The following SEMA3C variants were observed in gnomAD, a reference collection of about 807,000 sequenced individuals.
The protein encoded by SEMA3C is semaphorin-3C.
A neutral mutation model predicts 89.4 loss-of-function variants in SEMA3C; 47 were observed. The ratio of observed to expected loss-of-function variants is 0.53; its 90% CI spans 0.42 to 0.67. The LOEUF (loss-of-function observed/expected upper bound fraction) is 0.67. SEMA3C is among the 30% of genes least tolerant of loss of function. The pLI is 0.00. For missense variants in SEMA3C, 839 were observed against 929.1 expected (o/e 0.90, Z 1.26); for synonymous variants, 310 against 320.2 (o/e 0.97, Z 0.34).
chr7:80,773,355 A>C (rs1396413577), intron 12 of SEMA3C, among the ~76,000 whole-genome samples: 1 of 152,206 alleles, frequency 6.6e-6, no homozygotes, highest in Non-Finnish European at 1.5e-5. Context: ...TAAAGCCCAG[A>C]GTTGGCATAG....
At chr7:80,769,463 T>C (rs2117069267) in intron 12 of SEMA3C, among the ~76,000 whole-genome samples, 1 of 152,308 alleles carries the variant, frequency 6.6e-6, no homozygotes, top group Admixed American at 6.5e-5. Flanking sequence ...AGCAAAATTT[T>C]ACAGAAATCC....
intron 2 of SEMA3C, among the ~76,000 whole-genome samples, chr7:80,840,826 G>C (rs1368453315): frequency 6.6e-6 from 1 of 152,094 alleles, no homozygotes; most frequent in Non-Finnish European, 1.5e-5. Context: ...AGTAATAAAT[G>C]CACAAAGTAT....
intron 2 of SEMA3C, among the ~76,000 whole-genome samples, chr7:80,884,780 T>A (rs1791433901): frequency 6.6e-6 from 1 of 152,210 alleles, no homozygotes; most frequent in Admixed American, 6.5e-5. Flanking sequence ...TATTACTGCT[T>A]TGATGTACAC....
chr7:80,756,355 C>T (rs776812987), intron 15 of SEMA3C, among the ~76,000 whole-genome samples: 21 of 151,890 alleles, frequency 1.4e-4, no homozygotes, highest in Non-Finnish European at 2.5e-4. Context: ...CCTTTATTAT[C>T]CCTCTACAAG....
chr7:80,875,023 G>A (rs745403427), intron 2 of SEMA3C, among the ~76,000 whole-genome samples: 45 of 151,626 alleles, frequency 3.0e-4, no homozygotes, highest in Non-Finnish European at 6.0e-4. Context: ...GGCGGAGCTT[G>A]CAGTGAGCAG....
chr7:80,857,192 T>C (rs1453173546), intron 2 of SEMA3C, among the ~76,000 whole-genome samples: 2 of 152,164 alleles, frequency 1.3e-5, no homozygotes, highest in Admixed American at 6.5e-5. Context: ...GTATATGTGT[T>C]CCTTAACAGG....
chr7:80,856,368 G>A (rs549187953), intron 2 of SEMA3C, among the ~76,000 whole-genome samples: 13 of 151,736 alleles, frequency 8.6e-5, no homozygotes, highest in African/African-American at 3.1e-4. Context: ...GAACAAAAAA[G>A]CAACATGAAT....
At chr7:80,862,293 C>T (rs1038806530) in intron 2 of SEMA3C, among the ~76,000 whole-genome samples, 3 of 152,208 alleles carry the variant, frequency 2.0e-5, no homozygotes, top group Middle Eastern at 3.4e-3. Context: ...TGTGTACCAA[C>T]AGCGACCATG....
intron 2 of SEMA3C, among the ~76,000 whole-genome samples, chr7:80,884,236 A>G (rs1394968265): frequency 6.6e-6 from 1 of 152,222 alleles, no homozygotes; most frequent in Non-Finnish European, 1.5e-5. Flanking sequence ...AATATTTAAG[A>G]CATAACTATC....
intron 2 of SEMA3C, among the ~76,000 whole-genome samples, chr7:80,862,844 A>G (rs1562911146): frequency 6.6e-6 from 1 of 152,214 alleles, no homozygotes; most frequent in Non-Finnish European, 1.5e-5. Flanking sequence ...AAGTGGGGAA[A>G]GGACATCCTT....
intron 2 of SEMA3C, among the ~76,000 whole-genome samples, chr7:80,850,281 C>T (rs921953252): frequency 6.6e-6 from 1 of 152,066 alleles, no homozygotes; most frequent in Non-Finnish European, 1.5e-5. Context: ...CCAATGACCC[C>T]ACAATTCAAT....
intron 15 of SEMA3C, among the ~76,000 whole-genome samples, chr7:80,757,064 T>C (rs1279115261): frequency 6.6e-6 from 1 of 152,210 alleles, no homozygotes; most frequent in Non-Finnish European, 1.5e-5. Context: ...AAATATTTGT[T>C]GAACTAATGA....
At chr7:80,775,173 C>T (rs897094825) in intron 12 of SEMA3C, among the ~76,000 whole-genome samples, 2 of 150,364 alleles carry the variant, frequency 1.3e-5, no homozygotes, top group South Asian at 2.2e-4. Context: ...TTGTTGCCTG[C>T]AGACCTCCTG....
At chr7:80,905,904 T>TA (rs1792003421) in intron 2 of SEMA3C, 1 of 1,289,386 alleles carries the variant, frequency 7.8e-7, no homozygotes, top group African/African-American at 1.5e-5. Flanking sequence ...CACAGCATTG[T>TA]ACAAGGTAGG....
intron 2 of SEMA3C, among the ~76,000 whole-genome samples, chr7:80,889,610 TG>T (rs1050577526): frequency 6.6e-6 from 1 of 152,172 alleles, no homozygotes; most frequent in Non-Finnish European, 1.5e-5. Flanking sequence ...TAGATTATTT[TG>T]GGTAACATAA....
chr7:80,915,814 A>G (rs1792259096), intron 2 of SEMA3C: 1 of 151,832 alleles, frequency 6.6e-6, no homozygotes, highest in East Asian at 1.9e-4. Context: ...CTGAGAATAT[A>G]TTGTTTATCA....
chr7:80,799,560 TGGCCA>T (rs978275714), intron 10 of SEMA3C, among the ~76,000 whole-genome samples: 3 of 152,192 alleles, frequency 2.0e-5, no homozygotes, highest in Admixed American at 6.5e-5. Flanking sequence ...ATAAGAAAAT[TGGCCA>T]GGCACGGTGG....
At chr7:80,897,072 A>G (rs184707673) in intron 2 of SEMA3C, among the ~76,000 whole-genome samples, 34 of 152,268 alleles carry the variant, frequency 2.2e-4, no homozygotes, top group East Asian at 1.5e-3. Context: ...GCATGGCCTG[A>G]CTCAACCACT....
chr7:80,878,554 C>A, intron 2 of SEMA3C, among the ~76,000 whole-genome samples: 1 of 152,042 alleles, frequency 6.6e-6, no homozygotes, highest in Non-Finnish European at 1.5e-5. Context: ...ACAGGACTGT[C>A]ATTTACTGGA....
Sources: allele counts gnomAD v4.1 joint callset (sites outside exome capture counted in the v4.1 genomes callset), GRCh38; gene constraint gnomAD v4.1.1; transcripts MANE v1.5; gene names NCBI Gene and HGNC (gene_info 2026-07-23, HGNC 2026-07-21).